The following CYFIP2 variants were observed in gnomAD, a reference collection of about 807,000 sequenced individuals.
CYFIP2 encodes the protein cytoplasmic FMR1 interacting protein 2, also known as cytoplasmic FMR1-interacting protein 2.
CYFIP2 carries 29 observed loss-of-function variants against 158.7 expected under a neutral mutation model. The observed-to-expected ratio is 0.18, with a 90% CI of 0.14 to 0.25. The LOEUF is 0.25. CYFIP2 is among the 10% of genes least tolerant of loss of function. CYFIP2 has a pLI of 1.00. For missense variants in CYFIP2, 852 were observed against 1,639.5 expected, an observed-to-expected ratio of 0.52 and a Z score of 8.29; for synonymous variants, 585 against 617.6, an observed-to-expected ratio of 0.95 and a Z score of 0.78.
rs763134967 is a variant in CYFIP2 at position 157,389,195 on chromosome 5, G to A, written c.3214G>A (p.Ala1072Thr). 6 of 1,608,076 alleles carry A rather than the reference G, an allele frequency of 3.7e-6. No individual in the cohort carries two copies. The highest frequency in any genetic ancestry group is 1.7e-4 in the Middle Eastern group (1 of 6,048). ...IERLGTPQQI[A>T]IAREGDLLTK... ...TGTGCCCTTCTGTTTCCAGCAAATCGCCATTGCTCGCGAGGGTGACCTCCT... is the reference window on the plus strand; with the variant it reads ...TGTGCCCTTCTGTTTCCAGCAAATCACCATTGCTCGCGAGGGTGACCTCCT... Residue 1072 changes from alanine (A) to threonine (T), a missense_variant, in exon 29 of 31, where the codon GCC becomes ACC. By Grantham distance (58) the Ala-to-Thr change is moderately conservative (BLOSUM62 0). This residue lies in a region of CYFIP2 where 223 missense variants were observed against 381.6 expected (regional missense o/e 0.58). Transcript: ENST00000620254.
chr5:157,356,120 TAACA>T (rs1178900246), intron 23 of CYFIP2, among the ~76,000 whole-genome samples: 1 of 152,212 alleles, frequency 6.6e-6, no homozygotes, highest in Non-Finnish European at 1.5e-5. Context: ...GTGACTTGAA[TAACA>T]AACATTTATT....
Position 157,361,636 on chromosome 5 carries a change from G to A in CYFIP2, c.3039+38G>A. 6.2e-7 allele frequency: 1 copy of A among 1,612,616 alleles called. No homozygotes were observed. Among genetic ancestry groups the A allele is most frequent in the Non-Finnish European group, 8.5e-7 (1 of 1,179,162 alleles). On this transcript the variant is annotated intron_variant, in intron 26 of 30. Coordinates refer to ENST00000620254, the MANE Select transcript of CYFIP2 (RefSeq NM_001037333.3). The surrounding 1 kb of genome is among the most constrained non-coding windows in gnomAD (Gnocchi z 4.4). ...CCCAAAGGAAGTGGGGTGTCTCCAG[G>A]TTGGAGGGGATGCCAACCCCAAGCA...
intron 3 of CYFIP2, among the ~76,000 whole-genome samples, chr5:157,293,200 C>T (rs1466586139): frequency 1.3e-5 from 2 of 152,150 alleles, no homozygotes; most frequent in Non-Finnish European, 2.9e-5. Flanking sequence ...AGATTGCAGG[C>T]ACCCGCCACC....
intron 1 of CYFIP2, among the ~76,000 whole-genome samples, chr5:157,282,245 G>T (rs942815826): frequency 6.6e-6 from 1 of 152,238 alleles, no homozygotes; most frequent in Non-Finnish European, 1.5e-5. Context: ...CATGGCAGAA[G>T]GCAGAGGGGT....
intron 11 of CYFIP2, 132 bp from the exon 12 acceptor site, chr5:157,314,212 C>A: frequency 8.3e-7 from 1 of 1,205,916 alleles, no homozygotes; most frequent in Non-Finnish European, 1.1e-6. Context: ...AGGCACTTGT[C>A]TGAGCCTCAG....
intron 23 of CYFIP2, among the ~76,000 whole-genome samples, chr5:157,357,134 C>T (rs1392821408): frequency 1.3e-5 from 2 of 152,178 alleles, no homozygotes; most frequent in Admixed American, 6.5e-5. Flanking sequence ...CATGAGCTCA[C>T]CAAGAGAACT....
At position 157,367,772 on chromosome 5, in the gene CYFIP2, T is replaced by TA. The variant is rs1554119894; in HGVS notation, c.3039+6176dup. On this transcript the variant is annotated intron_variant, in intron 26 of 30. Transcript: ENST00000620254. The stretch of plus-strand genomic sequence containing the variant: ...TTCACTTTTTTTTTTTTTTTTTTTT[T>TA]AAGACAGAGTCTCACTCTGTTGCCC... 3.7e-3 allele frequency among the ~76,000 whole-genome samples: 549 copies of TA among 148,918 alleles called. 22 individuals carry two copies. The East Asian group carries it at 0.073, about 20-fold the overall frequency.
chr5:157,381,540 A>AAAAC (rs1218846126), intron 26 of CYFIP2, among the ~76,000 whole-genome samples: 1 of 151,352 alleles, frequency 6.6e-6, no homozygotes. Context: ...AAAAAAAAAA[A>AAAAC]AAAAAAAGGG....
intron 19 of CYFIP2, among the ~76,000 whole-genome samples, chr5:157,328,715 A>ATTCGAT (rs1200357348): frequency 6.6e-6 from 1 of 152,230 alleles, no homozygotes; most frequent in Non-Finnish European, 1.5e-5. Flanking sequence ...CCGTGACCCG[A>ATTCGAT]TTCGATTTTT....
At chr5:157,278,633 A>G (rs1166980019) in intron 1 of CYFIP2, among the ~76,000 whole-genome samples, 1 of 152,234 alleles carries the variant, frequency 6.6e-6, no homozygotes, top group Non-Finnish European at 1.5e-5. Context: ...TGAGAAAATC[A>G]ATGTGAAAGA....
intron 21 of CYFIP2, among the ~76,000 whole-genome samples, chr5:157,334,599 ATTG>A (rs1454447153): frequency 1.5e-4 from 23 of 152,298 alleles, no homozygotes; most frequent in African/African-American, 5.3e-4. Context: ...AAGACATATT[ATTG>A]TTATCAACAT....
intron 12 of CYFIP2, 23 bp downstream of exon 12, chr5:157,314,486 C>T: frequency 1.2e-6 from 2 of 1,607,456 alleles, no homozygotes; most frequent in Non-Finnish European, 1.7e-6. Context: ...GGGTAGAGGG[C>T]CTCACACTGA....
chr5:157,344,236 G>A (rs778969351), intron 23 of CYFIP2, among the ~76,000 whole-genome samples: 10 of 152,002 alleles, frequency 6.6e-5, no homozygotes, highest in Non-Finnish European at 8.8e-5. Context: ...ATTTAATTCT[G>A]CTGTTATTAT....
rs768499203 is a variant in CYFIP2, at chr5:157,360,386, A to G, written c.2908+14A>G. 1 of 1,610,566 alleles carries G rather than the reference A, an allele frequency of 6.2e-7. No individual in the cohort carries two copies. The highest frequency in any genetic ancestry group is 1.1e-5 in the South Asian group (1 of 90,794). On this transcript the variant is annotated intron_variant, in intron 25 of 30. Transcript: ENST00000620254. ...ATGGCTCCCCAGGTTGGTGATAGCA[A>G]AACAATCCAGACCCCTCCCATGGTG...
chr5:157,325,435 CT>C (rs1561729087), intron 16 of CYFIP2, 46 bp from the exon 17 acceptor site: 3 of 1,540,896 alleles, frequency 1.9e-6, no homozygotes, highest in Admixed American at 4.1e-5. Flanking sequence ...GAACTAAGGT[CT>C]TTTAGTTCTA....
At chr5:157,350,104 T>C (rs1186139178) in intron 23 of CYFIP2, among the ~76,000 whole-genome samples, 2 of 152,278 alleles carry the variant, frequency 1.3e-5, no homozygotes, top group African/African-American at 2.4e-5. Context: ...ATTATTTCTT[T>C]TGCTATGCAG....
chr5:157,333,846 A>G lies in CYFIP2; in HGVS notation c.2385+400A>G, dbSNP rs531060289. On this transcript the variant is annotated intron_variant, in intron 21 of 30. Transcript: ENST00000620254. ...AGCTGGTTTACCATTCTGCTTCACT[A>G]TCTTGAAATTCTTAAACAAGGGGGC... 2.0e-5 allele frequency among the ~76,000 whole-genome samples: 3 copies of G among 152,320 alleles called. No homozygotes were observed. In the South Asian group the frequency reaches 6.2e-4, roughly 32 times the overall value.
At chr5:157,286,921 C>A in intron 2 of CYFIP2, 98 bp from the exon 3 acceptor site, 1 of 825,644 alleles carries the variant, frequency 1.2e-6, no homozygotes, top group South Asian at 1.5e-5. Flanking sequence ...CCACAGAGAG[C>A]TTGCGTTGTT....
intron 24 of CYFIP2, 24 bp from the exon 25 acceptor site, chr5:157,360,258 T>C (rs1238241807): frequency 6.3e-7 from 1 of 1,599,490 alleles, no homozygotes; most frequent in Admixed American, 1.7e-5. Flanking sequence ...TTCAGCCCAC[T>C]CATCTGTACT....
Sources: allele counts gnomAD v4.1 joint callset (sites outside exome capture counted in the v4.1 genomes callset), GRCh38; gene constraint gnomAD v4.1.1; regional missense constraint gnomAD v4.1.1; non-coding constraint Gnocchi (gnomAD v3.1); transcripts MANE v1.5; gene names NCBI Gene and HGNC (gene_info 2026-07-23, HGNC 2026-07-21).